Variants in PTK2 observed in about 807,000 individuals in gnomAD.
The protein encoded by PTK2 is focal adhesion kinase 1.
Under a neutral mutation model 150.1 loss-of-function variants are expected in PTK2, and 45 were observed. The observed-to-expected ratio is 0.30, with a 90% CI of 0.24 to 0.38. The LOEUF is 0.38. PTK2 is among the 10% of genes least tolerant of loss of function. The pLI is 1.00. For missense variants in PTK2, 919 were observed against 1,307.3 expected, an observed-to-expected ratio of 0.70 and a Z score of 4.58; for synonymous variants, 432 against 449.2, an observed-to-expected ratio of 0.96 and a Z score of 0.48.
At position 140,702,589 on chromosome 8, in the gene PTK2, A is replaced by G. The variant is rs944677463; in HGVS notation, c.2348T>C (p.Met783Thr). Residue 783 changes from methionine to threonine, a missense_variant, in exon 25 of 32, where the codon ATG (methionine) becomes ACG (threonine). Met to Thr is a moderately conservative substitution (Grantham distance 81, BLOSUM62 -1). Transcript: ENST00000522684. ...ATTTACCTCCACATTGGGCTGCCAC[A>G]TTGCTATCTCCTGAGGTCTATGATT... 1.5e-5 allele frequency: 25 copies of G among 1,613,344 alleles called. No individual in the cohort carries two copies. The East Asian group carries it at 5.1e-4, about 33-fold the overall frequency.
chr8:140,681,584 C>T (rs10093236), intron 27 of PTK2, among the ~76,000 whole-genome samples: 151,734 of 152,162 alleles, frequency 1, 75,655 homozygotes, highest in Middle Eastern at 1. Flanking sequence ...GAGACCATCC[C>T]GGCTAACACA....
chr8:140,988,686 G>A, intron 1 of PTK2, among the ~76,000 whole-genome samples: 1 of 136,884 alleles, frequency 7.3e-6, no homozygotes, highest in Non-Finnish European at 1.5e-5. Context: ...CCAAGATCGT[G>A]CCACTGCACT....
chr8:140,681,032 A>G lies in PTK2; in HGVS notation c.2563-5533T>C, dbSNP rs112208266. 2.4e-3 allele frequency among the ~76,000 whole-genome samples: 364 copies of G among 152,318 alleles called. 7 individuals are homozygous for G. Among genetic ancestry groups the G allele is most frequent in the African/African-American group, 8.2e-3 (340 of 41,572 alleles). ...ACTTAAACAGACATCTGCTGATGGA[A>G]ATTTGGCGTTGGTTTGCTCAAATTA... On this transcript the variant is annotated intron_variant, in intron 27 of 31. Coordinates refer to ENST00000522684, the Ensembl canonical transcript of PTK2.
chr8:140,659,136 A>AT (rs1205214774), exon 32 of PTK2: 4 of 301,728 alleles, frequency 1.3e-5, no homozygotes, highest in Non-Finnish European at 2.5e-5. Flanking sequence ...CCCCTTGGCC[A>AT]TCCCCCTTTA....
intron 27 of PTK2, among the ~76,000 whole-genome samples, chr8:140,676,769 A>AAAAAAAAAAT (rs2100014059): frequency 7.2e-6 from 1 of 137,936 alleles, no homozygotes; most frequent in Non-Finnish European, 1.5e-5. Flanking sequence ...CTACTTTAAA[A>AAAAAAAAAAT]AAAAAAAAAA....
intron 29 of PTK2, chr8:140,670,322 T>A (rs997507777): frequency 5.3e-5 from 8 of 151,980 alleles, no homozygotes; most frequent in African/African-American, 1.7e-4. Context: ...AGGGTAATGG[T>A]AGTGCATCCC....
intron 3 of PTK2, among the ~76,000 whole-genome samples, chr8:140,883,172 A>C (rs1212327278): frequency 6.6e-6 from 1 of 152,150 alleles, no homozygotes; most frequent in Non-Finnish European, 1.5e-5. Context: ...TCTTTCCTCC[A>C]TGTTCATTCT....
At chr8:140,902,921 G>GTTGTTTTTTGTTTTT (rs1555356000) in intron 2 of PTK2, among the ~76,000 whole-genome samples, 4 of 66,782 alleles carry the variant, frequency 6.0e-5, no homozygotes, top group Non-Finnish European at 1.0e-4. Flanking sequence ...TCTGATGAGA[G>GTTGTTTTTTGTTTTT]TTGTTTTTTT....
intron 2 of PTK2, among the ~76,000 whole-genome samples, chr8:140,909,938 C>T (rs756970702): frequency 1.3e-5 from 2 of 151,958 alleles, no homozygotes; most frequent in Non-Finnish European, 1.5e-5. Flanking sequence ...ATTCATAATC[C>T]AATAACCAAA....
chr8:140,661,971 T>G (rs758807847), intron 31 of PTK2, among the ~76,000 whole-genome samples: 3 of 152,170 alleles, frequency 2.0e-5, no homozygotes, highest in Admixed American at 6.5e-5. Flanking sequence ...GAAAGGCAGA[T>G]GCAGGATCAA....
chr8:140,887,976 A>G (rs1469046276), intron 3 of PTK2, among the ~76,000 whole-genome samples: 1 of 152,214 alleles, frequency 6.6e-6, no homozygotes, highest in Non-Finnish European at 1.5e-5. Context: ...CAGTACCTGA[A>G]TAACAATAAG....
At chr8:140,884,321 C>A (rs774970504) in intron 3 of PTK2, among the ~76,000 whole-genome samples, 1 of 152,014 alleles carries the variant, frequency 6.6e-6, no homozygotes, top group African/African-American at 2.4e-5. Context: ...GGCTTTTATG[C>A]TTTTTCTTAA....
intron 1 of PTK2, among the ~76,000 whole-genome samples, chr8:140,928,580 A>G (rs950224580): frequency 1.3e-5 from 2 of 152,254 alleles, no homozygotes; most frequent in Non-Finnish European, 2.9e-5. Context: ...AATAAACAAC[A>G]TGTGGTATAT....
At chr8:140,681,090 C>T (rs567110873) in intron 27 of PTK2, among the ~76,000 whole-genome samples, 29 of 152,278 alleles carry the variant, frequency 1.9e-4, no homozygotes, top group African/African-American at 4.1e-4. Flanking sequence ...TTCAGCTGGG[C>T]GCGGTTGCTC....
intron 22 of PTK2, among the ~76,000 whole-genome samples, chr8:140,728,810 T>A (rs1345479906): frequency 6.6e-6 from 1 of 152,166 alleles, no homozygotes; most frequent in African/African-American, 2.4e-5. Flanking sequence ...CGTGAGCCAC[T>A]GCACCCGGCC....
At chr8:140,831,510 G>T (rs1398084049) in intron 7 of PTK2, among the ~76,000 whole-genome samples, 1 of 152,208 alleles carries the variant, frequency 6.6e-6, no homozygotes, top group Non-Finnish European at 1.5e-5. Flanking sequence ...CATCATGTCA[G>T]TTTATTTGGT....
intron 31 of PTK2, chr8:140,660,546 AAAC>A (rs1231990350): frequency 3.6e-5 from 16 of 449,400 alleles, no homozygotes; most frequent in Admixed American, 2.4e-4. Context: ...CAACATGGTG[AAAC>A]CCCATCTCTA....
chr8:140,828,823 A>T (rs184837811), intron 8 of PTK2, among the ~76,000 whole-genome samples: 17 of 152,232 alleles, frequency 1.1e-4, no homozygotes, highest in Admixed American at 5.2e-4. Context: ...CATTCTCCCA[A>T]CTGCAAGAGT....
chr8:140,742,494 C>A (rs1370151164), intron 20 of PTK2, among the ~76,000 whole-genome samples: 1 of 152,190 alleles, frequency 6.6e-6, no homozygotes, highest in African/African-American at 2.4e-5. Flanking sequence ...ACATTCCCAG[C>A]AGCAATTTAG....
Sources: allele counts gnomAD v4.1 joint callset (sites outside exome capture counted in the v4.1 genomes callset), GRCh38; gene constraint gnomAD v4.1.1; transcripts MANE v1.5; gene names NCBI Gene and HGNC (gene_info 2026-07-23, HGNC 2026-07-21).